The following AKR1C2 variants were observed in gnomAD, a reference collection of about 807,000 sequenced individuals.
AKR1C2 encodes 3-alpha-HSD3.
AKR1C2 carries 27 observed loss-of-function variants against 39.8 expected under a neutral mutation model. The observed-to-expected ratio is 0.68, with a 90% confidence interval of 0.50 to 0.93. The LOEUF (loss-of-function observed/expected upper bound fraction) is 0.93. Among genes scored for constraint, AKR1C2 ranks in the 40% least tolerant of loss-of-function variants. The pLI is 0.00. For missense variants in AKR1C2, 263 were observed against 365.1 expected (o/e 0.72, Z 2.28); for synonymous variants, 114 against 137.9 (o/e 0.83, Z 1.22).
At chr10:5,011,259 C>T (rs782586268) in intron 1 of AKR1C2, among the ~76,000 whole-genome samples, 2 of 152,148 alleles carry the variant, frequency 1.3e-5, no homozygotes, top group Non-Finnish European at 2.9e-5. Context: ...TGGTATCTGC[C>T]CACTGGATCT....
upstream of AKR1C2, among the ~76,000 whole-genome samples, chr10:5,008,720 C>T (rs527951621): frequency 2.0e-5 from 3 of 152,368 alleles, no homozygotes; most frequent in Admixed American, 6.5e-5. Flanking sequence ...ACATAAAGAA[C>T]ACTCATGTGC....
upstream of AKR1C2, among the ~76,000 whole-genome samples, chr10:5,005,390 C>A (rs1837379760): frequency 6.6e-6 from 1 of 152,062 alleles, no homozygotes; most frequent in Admixed American, 6.5e-5. Context: ...AATAAAATAA[C>A]AAGGCATACA....
intron 4 of AKR1C2, among the ~76,000 whole-genome samples, chr10:4,998,957 G>A (rs1414453632): frequency 2.0e-5 from 3 of 152,158 alleles, no homozygotes; most frequent in African/African-American, 7.2e-5. Flanking sequence ...TTAGGAAAGT[G>A]GAGAGATTAA....
In AKR1C2 at chr10:4,988,081, A is replaced by T. The variant is rs1836720922; in HGVS notation, c.*1915T>A. On this transcript the variant is annotated 3_prime_UTR_variant, in exon 9 of 9. Transcript: ENST00000380753. ...GGAAAAAGCCCACAGCAGCCGTACT[A>T]TTTACAAATGACTGACCTAATGATT... is the stretch of plus-strand genomic sequence containing the variant. 6.6e-6 allele frequency: 1 copy of T among 152,166 alleles called. No homozygotes were observed. The highest frequency in any genetic ancestry group is 1.5e-5 in the Non-Finnish European group (1 of 68,034). 9.4% of individuals were successfully genotyped at this position (152,166 alleles called of 1,614,324 possible).
chr10:5,017,097 G>A (rs1837657909), intron 1 of AKR1C2, among the ~76,000 whole-genome samples: 1 of 152,228 alleles, frequency 6.6e-6, no homozygotes, highest in East Asian at 1.9e-4. Flanking sequence ...CCAGGTCTGT[G>A]ATAGAAGGGG....
chr10:5,017,095 G>A (rs1181831531), intron 1 of AKR1C2, among the ~76,000 whole-genome samples: 4 of 152,226 alleles, frequency 2.6e-5, no homozygotes, highest in East Asian at 1.9e-4. Context: ...CTCCAGGTCT[G>A]TGATAGAAGG....
upstream of AKR1C2, among the ~76,000 whole-genome samples, chr10:5,008,961 G>C (rs12782334): frequency 1.3e-5 from 2 of 152,200 alleles, no homozygotes; most frequent in Non-Finnish European, 2.9e-5. Context: ...GCCTCACAGA[G>C]GTTTGTGGGT....
At position 4,996,554 on chromosome 10, in the gene AKR1C2, A is replaced by G. The variant is rs1320189688; in HGVS notation, c.571-689T>C. ...TATATATTATATATATATAATATAT[A>G]TATATATGCTGAGTAGATGTGAGCA... On this transcript the variant is annotated intron_variant, in intron 5 of 8. Transcript: ENST00000380753. Among the ~76,000 whole-genome samples the G allele has an allele frequency of 5.4e-5, 8 of 147,150 alleles. No individual in the cohort carries two copies. The Admixed American group carries it at 5.5e-4, about 10-fold the overall frequency.
At chr10:5,008,023 T>C (rs1220941545), upstream of AKR1C2, among the ~76,000 whole-genome samples, 10 of 151,620 alleles carry the variant, frequency 6.6e-5, no homozygotes, top group Admixed American at 4.6e-4. Flanking sequence ...TGGGAAGCAC[T>C]GTACCTGTGG....
intron 1 of AKR1C2, among the ~76,000 whole-genome samples, chr10:5,009,413 T>C (rs1554774688): frequency 6.6e-6 from 1 of 152,100 alleles, no homozygotes; most frequent in Non-Finnish European, 1.5e-5. Flanking sequence ...TCAGGGTGAC[T>C]CAGCAGCTTG....
intron 1 of AKR1C2, among the ~76,000 whole-genome samples, chr10:5,016,923 T>C (rs558375164): frequency 6.6e-5 from 10 of 152,306 alleles, no homozygotes; most frequent in Middle Eastern, 3.4e-3. Flanking sequence ...TCACCACACA[T>C]TGGGGCTAGC....
upstream of AKR1C2, among the ~76,000 whole-genome samples, chr10:5,004,409 A>C (rs2131711825): frequency 6.6e-6 from 1 of 152,294 alleles, no homozygotes; most frequent in East Asian, 1.9e-4. Flanking sequence ...CTTGTAAGAG[A>C]AACATCCCTT....
chr10:5,008,407 T>C (rs1424734756), upstream of AKR1C2, among the ~76,000 whole-genome samples: 1 of 151,916 alleles, frequency 6.6e-6, no homozygotes, highest in Non-Finnish European at 1.5e-5. Flanking sequence ...TGTCACTCTC[T>C]ACTCATCATT....
intron 1 of AKR1C2, among the ~76,000 whole-genome samples, chr10:5,011,685 T>C (rs1329163197): frequency 6.6e-6 from 1 of 152,220 alleles, no homozygotes; most frequent in East Asian, 1.9e-4. Context: ...GAGTGTAGTC[T>C]GAGGATTTCA....
rs1184769023 is a variant in AKR1C2 at position 5,009,869 on chromosome 10, T to C, written c.-87-5947A>G. Among the ~76,000 whole-genome samples, 4 of 148,252 alleles carry C rather than the reference T, an allele frequency of 2.7e-5. No homozygotes were observed. The Admixed American group carries it at 2.7e-4, about 10-fold the overall frequency. On this transcript the variant is annotated intron_variant, in intron 1 of 6. Transcript: ENST00000604507. ...CTGAAAGGAATTTGGCCTAGGAGGA[T>C]TGGAGAAGAGTCCGGCCACTGGGCA... is the stretch of plus-strand genomic sequence containing the variant.
intron 8 of AKR1C2, 134 bp from the exon 9 acceptor site, chr10:4,990,172 G>A (rs1836784877): frequency 1.1e-6 from 1 of 884,944 alleles, no homozygotes; most frequent in Admixed American, 3.0e-5. Context: ...TAGAATCTGT[G>A]TTTCTTTGTT....
chr10:4,999,453 C>G (rs1204403500), intron 3 of AKR1C2, 176 bp from the exon 4 acceptor site: 29 of 1,411,906 alleles, frequency 2.1e-5, no homozygotes, highest in Non-Finnish European at 2.4e-5. Context: ...CTTCAGGTGA[C>G]AGGCTTCCTC....
At chr10:5,009,099 A>G (rs868962153) in intron 1 of AKR1C2, among the ~76,000 whole-genome samples, 13 of 152,196 alleles carry the variant, frequency 8.5e-5, no homozygotes, top group South Asian at 6.2e-4. Context: ...AGGCTGAGGT[A>G]CTGCTGATGC....
At chr10:5,002,070 C>T (rs1295030154) in intron 1 of AKR1C2, among the ~76,000 whole-genome samples, 2 of 152,184 alleles carry the variant, frequency 1.3e-5, no homozygotes, top group African/African-American at 4.8e-5. Flanking sequence ...GCAGTGTAAG[C>T]TCCTGTGATT....
Sources: allele counts gnomAD v4.1 joint callset (sites outside exome capture counted in the v4.1 genomes callset), GRCh38; gene constraint gnomAD v4.1.1; transcripts MANE v1.5; gene names NCBI Gene and HGNC (gene_info 2026-07-23, HGNC 2026-07-21).